Variants in AFG1L observed in about 807,000 individuals in gnomAD.
AFG1L encodes AFG1-like ATPase.
Under a neutral mutation model 62.2 loss-of-function variants are expected in AFG1L, and 53 were observed. The observed-to-expected ratio is 0.85, with a 90% CI of 0.68 to 1.07. The LOEUF (loss-of-function observed/expected upper bound fraction) is 1.07, where lower values mean the gene tolerates loss of function less well. Ranked by LOEUF, AFG1L falls within the 50% of genes least tolerant of loss-of-function variation. The pLI, the probability that AFG1L is intolerant of heterozygous loss-of-function variation, is 0.00. For synonymous variants in AFG1L, 228 were observed against 210.3 expected (o/e 1.08, Z -0.73); for missense variants, 555 against 590.5 (o/e 0.94, Z 0.62).
intron 10 of AFG1L, among the ~76,000 whole-genome samples, chr6:108,499,970 G>T (rs1276632078): frequency 6.6e-6 from 1 of 151,798 alleles, no homozygotes; most frequent in Non-Finnish European, 1.5e-5. Context: ...CTGCTTTTGG[G>T]GTCCCTAGTG....
At chr6:108,429,995 T>G (rs940705387) in intron 7 of AFG1L, among the ~76,000 whole-genome samples, 1 of 152,088 alleles carries the variant, frequency 6.6e-6, no homozygotes. Flanking sequence ...TTGCTCAGGC[T>G]GGAATGCAGT....
intron 7 of AFG1L, among the ~76,000 whole-genome samples, chr6:108,434,619 T>C (rs1202883495): frequency 6.6e-6 from 1 of 152,202 alleles, no homozygotes; most frequent in East Asian, 1.9e-4. Context: ...CCCTCCATTG[T>C]TTTCCCAACT....
chr6:108,364,263 A>C (rs536870213), intron 5 of AFG1L, among the ~76,000 whole-genome samples: 1 of 152,216 alleles, frequency 6.6e-6, no homozygotes, highest in Admixed American at 6.5e-5. Flanking sequence ...AAGAGTATAC[A>C]TTGGCACCCG....
intron 7 of AFG1L, among the ~76,000 whole-genome samples, chr6:108,413,922 G>A (rs560670851): frequency 4.7e-4 from 72 of 152,048 alleles, no homozygotes; most frequent in Admixed American, 1.1e-3. Context: ...TAAGAACAGC[G>A]CAGAACTGAA....
intron 5 of AFG1L, among the ~76,000 whole-genome samples, chr6:108,360,126 A>G (rs988549528): frequency 6.6e-6 from 1 of 152,220 alleles, no homozygotes; most frequent in Non-Finnish European, 1.5e-5. Context: ...CACAGGAAAC[A>G]GAAAACCCAA....
At chr6:108,393,360 A>C (rs112147188) in intron 6 of AFG1L, among the ~76,000 whole-genome samples, 4,333 of 152,178 alleles carry the variant, frequency 0.028, 94 homozygotes, top group Middle Eastern at 0.085. Context: ...CGTATGGTCC[A>C]TTTTCACTTG....
At chr6:108,515,409 A>G (rs1774840436) in intron 11 of AFG1L, among the ~76,000 whole-genome samples, 1 of 152,258 alleles carries the variant, frequency 6.6e-6, no homozygotes, top group African/African-American at 2.4e-5. Flanking sequence ...TACTGGGTAC[A>G]TAACAAAATG....
At chr6:108,484,850 T>TG (rs1204316931) in intron 10 of AFG1L, among the ~76,000 whole-genome samples, 1 of 152,234 alleles carries the variant, frequency 6.6e-6, no homozygotes, top group Admixed American at 6.5e-5. Flanking sequence ...GAGATTGGAC[T>TG]GAGGGATCCA....
intron 10 of AFG1L, among the ~76,000 whole-genome samples, chr6:108,482,751 A>C (rs1433725042): frequency 8.6e-5 from 13 of 151,730 alleles, no homozygotes; most frequent in Admixed American, 8.5e-4. Context: ...TTATGATTAG[A>C]CTGGAATGAT....
At chr6:108,510,800 C>T (rs1562204278) in intron 11 of AFG1L, among the ~76,000 whole-genome samples, 1 of 152,106 alleles carries the variant, frequency 6.6e-6, no homozygotes, top group East Asian at 1.9e-4. Context: ...CATGAGCAAG[C>T]CAGGTGTGAT....
At chr6:108,329,443 C>T (rs1336279371) in intron 2 of AFG1L, among the ~76,000 whole-genome samples, 1 of 151,774 alleles carries the variant, frequency 6.6e-6, no homozygotes, top group African/African-American at 2.4e-5. Flanking sequence ...GGATTACAGG[C>T]GCCCACCACC....
intron 1 of AFG1L, among the ~76,000 whole-genome samples, chr6:108,307,301 C>T (rs1447819749): frequency 2.0e-5 from 3 of 152,072 alleles, no homozygotes; most frequent in African/African-American, 7.2e-5. Flanking sequence ...CGTGAGCCAC[C>T]GCATACGGCC....
In AFG1L at chr6:108,355,748, G is replaced by C. The variant is rs369943987; in HGVS notation, c.510G>C (p.Val170=). Residue 170 remains valine (V), a synonymous_variant, in exon 4 of 13, where the codon GTG becomes GTC. Coordinates refer to ENST00000368977, the MANE Select transcript of AFG1L (RefSeq NM_145315.5). ...ATTTTCATGGTTTCATGCTAGATGT[G>C]CACAAAAGTAAGCAATGATCTGAAA... ...RVHFHGFMLD[V]HKRIHRLKQS... The C allele has an allele frequency of 1.6e-5, 26 of 1,599,724 alleles. No individual in the cohort carries two copies. The highest frequency in any genetic ancestry group is 2.1e-5 in the Non-Finnish European group (25 of 1,172,146).
intron 7 of AFG1L, among the ~76,000 whole-genome samples, chr6:108,430,727 T>C (rs1202050422): frequency 6.6e-6 from 1 of 152,228 alleles, no homozygotes; most frequent in Admixed American, 6.5e-5. Flanking sequence ...AACAGTGTTA[T>C]AAAGATAACT....
chr6:108,295,226 A>G lies in AFG1L; in HGVS notation c.139+8A>G. 2 of 1,599,664 alleles carry G rather than the reference A, an allele frequency of 1.3e-6. No homozygotes were observed. Among genetic ancestry groups the G allele is most frequent in the African/African-American group, 1.3e-5 (1 of 74,868 alleles). ...GGAAGCCCTTTTGGAAAGGTCAGTGACTGTGCCATGAGTAGTCCGAGCCGA... is the reference window on the plus strand; with the variant it reads ...GGAAGCCCTTTTGGAAAGGTCAGTGGCTGTGCCATGAGTAGTCCGAGCCGA... On this transcript the variant is annotated splice_region_variant and intron_variant, in intron 1 of 12. Transcript: ENST00000368977.
intron 6 of AFG1L, among the ~76,000 whole-genome samples, chr6:108,378,867 T>C (rs1780368771): frequency 6.6e-6 from 1 of 151,784 alleles, no homozygotes; most frequent in Admixed American, 6.6e-5. Context: ...TTATTATTAT[T>C]ATTAATTCTT....
chr6:108,418,352 G>A lies in AFG1L; in HGVS notation c.807+16298G>A, dbSNP rs1469982593. ...TTTTGGAGTACAGTTGCAGAGTTGA[G>A]TGGCTGCAGTGGAGACTTACGGCTT... On this transcript the variant is annotated intron_variant, in intron 7 of 12. Coordinates refer to ENST00000368977, the MANE Select transcript of AFG1L (RefSeq NM_145315.5). 2.0e-5 allele frequency among the ~76,000 whole-genome samples: 3 copies of A among 152,300 alleles called. No homozygotes were observed. The East Asian group carries it at 5.8e-4, about 29-fold the overall frequency.
chr6:108,446,926 A>G (rs1300580580), intron 7 of AFG1L, among the ~76,000 whole-genome samples: 2 of 152,156 alleles, frequency 1.3e-5, no homozygotes, highest in Non-Finnish European at 2.9e-5. Flanking sequence ...AAAAAAACCC[A>G]GATGAAGTTA....
chr6:108,295,152 G>A lies in AFG1L; in HGVS notation c.73G>A (p.Gly25Arg). ...AQSPLRGRCV[G>R]CGAWAAALAP... The stretch of plus-strand genomic sequence containing the variant: ...GAGCCCGCTGAGAGGGAGATGTGTT[G>A]GGTGCGGGGCCTGGGCCGCCGCTCT... Residue 25 changes from glycine to arginine, a missense_variant, in exon 1 of 13, where the codon GGG becomes AGG. Physicochemically the swap from Gly to Arg is moderately radical, Grantham distance 125. Transcript: ENST00000368977. 6.2e-7 allele frequency: 1 copy of A among 1,610,256 alleles called. No individual in the cohort carries two copies. Among genetic ancestry groups the A allele is most frequent in the Non-Finnish European group, 8.5e-7 (1 of 1,179,970 alleles).
Sources: gnomAD v4.1 joint callset for allele counts (sites outside exome capture counted in the v4.1 genomes callset) on GRCh38, gnomAD v4.1.1 for gene constraint, MANE v1.5 for transcripts, NCBI Gene and HGNC (gene_info 2026-07-23, HGNC 2026-07-21) for gene names.